Variants in DOK5 observed in about 807,000 individuals in gnomAD.
DOK5 encodes the protein downstream of tyrosine kinase 5.
A neutral mutation model predicts 43.3 loss-of-function variants in DOK5; 27 were observed. That is an observed-to-expected ratio of 0.62 (90% confidence interval 0.46 to 0.86). DOK5 has a LOEUF of 0.86. DOK5 is among the 40% of genes least tolerant of loss of function. DOK5 has a pLI of 0.00. For missense variants in DOK5, 373 were observed against 392.9 expected, an observed-to-expected ratio of 0.95 and a Z score of 0.43; for synonymous variants, 146 against 140.1, an observed-to-expected ratio of 1.04 and a Z score of -0.30.
chr20:54,581,701 G>A (rs1337169805), intron 2 of DOK5, among the ~76,000 whole-genome samples: 2 of 151,888 alleles, frequency 1.3e-5, no homozygotes, highest in African/African-American at 4.8e-5. Context: ...TATTGTTAGT[G>A]TATAGAAATA....
chr20:54,548,695 C>T (rs1441049967), intron 1 of DOK5, among the ~76,000 whole-genome samples: 1 of 152,106 alleles, frequency 6.6e-6, no homozygotes. Flanking sequence ...AATATAAAGA[C>T]AGTTGAATGA....
At chr20:54,603,016 A>G (rs1243958082) in intron 5 of DOK5, among the ~76,000 whole-genome samples, 4 of 152,218 alleles carry the variant, frequency 2.6e-5, no homozygotes, top group African/African-American at 9.6e-5. Context: ...AACAGGGGAT[A>G]CTGGTTTGCT....
intron 1 of DOK5, among the ~76,000 whole-genome samples, chr20:54,541,694 C>G (rs1327780861): frequency 6.6e-6 from 1 of 152,106 alleles, no homozygotes; most frequent in Non-Finnish European, 1.5e-5. Flanking sequence ...GCCTGGGCCT[C>G]CTAAAGTGCT....
At chr20:54,543,689 G>T (rs964950392) in intron 1 of DOK5, among the ~76,000 whole-genome samples, 2 of 152,018 alleles carry the variant, frequency 1.3e-5, no homozygotes, top group African/African-American at 4.8e-5. Context: ...CTAATTTACA[G>T]AATGAGTGTA....
chr20:54,587,883 T>C (rs1985858225), intron 2 of DOK5, among the ~76,000 whole-genome samples: 1 of 152,118 alleles, frequency 6.6e-6, no homozygotes, highest in Non-Finnish European at 1.5e-5. Flanking sequence ...GGGAAAATAT[T>C]TGGAAAACCA....
intron 6 of DOK5, among the ~76,000 whole-genome samples, chr20:54,628,788 T>C (rs1978434621): frequency 6.6e-6 from 1 of 152,190 alleles, no homozygotes; most frequent in African/African-American, 2.4e-5. Context: ...CCATACAAGA[T>C]GCATTTGTGA....
intron 1 of DOK5, among the ~76,000 whole-genome samples, chr20:54,546,378 C>T (rs1984346237): frequency 6.6e-6 from 1 of 152,118 alleles, no homozygotes; most frequent in Non-Finnish European, 1.5e-5. Flanking sequence ...CTAATTCAGT[C>T]AGCACTGTGA....
intron 1 of DOK5, among the ~76,000 whole-genome samples, chr20:54,553,203 T>C (rs550245322): frequency 3.3e-5 from 5 of 152,344 alleles, no homozygotes; most frequent in Admixed American, 2.0e-4. Context: ...ATTTCTATTC[T>C]TTTTCTTTTT....
intron 1 of DOK5, among the ~76,000 whole-genome samples, chr20:54,477,930 G>A (rs1319295008): frequency 6.6e-6 from 1 of 152,186 alleles, no homozygotes; most frequent in African/African-American, 2.4e-5. Flanking sequence ...CCCTATGTGT[G>A]TGCCAACATT....
chr20:54,480,677 G>A (rs1292482472), intron 1 of DOK5, among the ~76,000 whole-genome samples: 1 of 152,152 alleles, frequency 6.6e-6, no homozygotes, highest in African/African-American at 2.4e-5. Context: ...CTTGGGGTCT[G>A]GATGAGAACC....
chr20:54,611,420 G>A (rs755431487), intron 6 of DOK5, among the ~76,000 whole-genome samples: 1 of 152,076 alleles, frequency 6.6e-6, no homozygotes. Flanking sequence ...AATTAGCCAG[G>A]TGTGGTGGTA....
chr20:54,520,861 A>C (rs1785204470), intron 1 of DOK5, among the ~76,000 whole-genome samples: 2 of 138,734 alleles, frequency 1.4e-5, no homozygotes, highest in Admixed American at 1.4e-4. Context: ...AGAGTCCTTC[A>C]TGGCCTCTGA....
intron 2 of DOK5, among the ~76,000 whole-genome samples, chr20:54,585,225 T>C (rs1000322314): frequency 6.6e-6 from 1 of 152,026 alleles, no homozygotes; most frequent in African/African-American, 2.4e-5. Context: ...CAGAGACCGT[T>C]GCTTTAAAAT....
At chr20:54,559,974 C>A (rs2146734865) in intron 2 of DOK5, among the ~76,000 whole-genome samples, 1 of 152,300 alleles carries the variant, frequency 6.6e-6, no homozygotes, top group Non-Finnish European at 1.5e-5. Flanking sequence ...TTCTGTCATT[C>A]TACCCTTTAT....
rs565268048 is a variant in DOK5, at chr20:54,595,201, C to T, written c.599+3396C>T. On this transcript the variant is annotated intron_variant, in intron 5 of 7. Coordinates refer to ENST00000262593, the MANE Select transcript of DOK5 (RefSeq NM_018431.5). ...CTAAAAATACAAAAAATTAGCCGGG[C>T]GTGGTAGTGGGCACCTGTGGTCCCA... Among the ~76,000 whole-genome samples the T allele has an allele frequency of 1.1e-4, 16 of 152,152 alleles. No individual in the cohort carries two copies. The East Asian group carries it at 1.4e-3, about 13-fold the overall frequency.
At chr20:54,485,243 TGGCGGAGGTTGCAGTGAGC>T (rs775564909) in intron 1 of DOK5, among the ~76,000 whole-genome samples, 287 of 150,442 alleles carry the variant, frequency 1.9e-3, no homozygotes, top group Non-Finnish European at 2.8e-3. Flanking sequence ...TGAACCCGGA[TGGCGGAGGTTGCAGTGAGC>T]GGCGGAGGTT....
intron 1 of DOK5, among the ~76,000 whole-genome samples, chr20:54,540,326 T>C (rs945574002): frequency 6.6e-6 from 1 of 152,180 alleles, no homozygotes; most frequent in African/African-American, 2.4e-5. Flanking sequence ...TCTGTACTGC[T>C]CTTTCCTCAT....
At chr20:54,587,979 A>G (rs930266259) in intron 2 of DOK5, among the ~76,000 whole-genome samples, 1 of 152,164 alleles carries the variant, frequency 6.6e-6, no homozygotes, top group African/African-American at 2.4e-5. Context: ...ACTGGTAAAG[A>G]GTGAAATAAT....
chr20:54,585,913 G>A (rs1985789261), intron 2 of DOK5, among the ~76,000 whole-genome samples: 1 of 152,196 alleles, frequency 6.6e-6, no homozygotes, highest in Non-Finnish European at 1.5e-5. Context: ...CCTGAGGTCA[G>A]GAGTTTGAGA....
Sources: allele counts gnomAD v4.1 joint callset (sites outside exome capture counted in the v4.1 genomes callset), GRCh38; gene constraint gnomAD v4.1.1; transcripts MANE v1.5; gene names NCBI Gene and HGNC (gene_info 2026-07-23, HGNC 2026-07-21).